Variants in IFNGR1 observed in about 807,000 individuals in gnomAD.
IFNGR1 encodes AVP, type 2.
In IFNGR1, 23 loss-of-function variants were observed where a neutral mutation model predicts 35.4. The observed-to-expected ratio is 0.65, with a 90% CI of 0.47 to 0.92. IFNGR1 has a LOEUF of 0.92. IFNGR1 is among the 40% of genes least tolerant of loss of function. The pLI is 0.00. For missense variants in IFNGR1, 533 were observed against 583.4 expected (o/e 0.91, Z 0.89); for synonymous variants, 199 against 209.5 (o/e 0.95, Z 0.43).
chr6:137,197,665 A>G lies in IFNGR1; in HGVS notation c.*366T>C, dbSNP rs1012017127. On this transcript the variant is annotated 3_prime_UTR_variant, in exon 7 of 7. Transcript: ENST00000367739. Reference sequence around the variant, plus strand: ...AATTACTGTATGCATAAACTTACAAAAACATATGCTATACCAAGGCAGAGA... The same window carrying G: ...AATTACTGTATGCATAAACTTACAAGAACATATGCTATACCAAGGCAGAGA... 2.3e-5 allele frequency: 4 copies of G among 171,020 alleles called. No individual in the cohort carries two copies. In the East Asian group the frequency reaches 6.3e-4, roughly 27 times the overall value. The allele number at this position is 171,020 out of a possible 1,614,324, so 10.6% of individuals were successfully genotyped here.
At chr6:137,212,087 T>G (rs578108380) in intron 1 of IFNGR1, among the ~76,000 whole-genome samples, 18 of 152,274 alleles carry the variant, frequency 1.2e-4, no homozygotes, top group African/African-American at 3.9e-4. Flanking sequence ...CAGGTGGCAC[T>G]TTCAGCACTC....
intron 5 of IFNGR1, among the ~76,000 whole-genome samples, chr6:137,203,111 T>C (rs1290538980): frequency 1.3e-5 from 2 of 152,202 alleles, no homozygotes; most frequent in African/African-American, 4.8e-5. Context: ...CCAGTGATCG[T>C]TCCTGCTCTT....
intron 1 of IFNGR1, among the ~76,000 whole-genome samples, chr6:137,215,689 CACAA>C (rs1421398368): frequency 6.6e-6 from 1 of 151,984 alleles, no homozygotes; most frequent in Admixed American, 6.6e-5. Context: ...GGTTTTCATA[CACAA>C]ACACACACAC....
At chr6:137,217,761 C>T (rs17181674) in intron 1 of IFNGR1, among the ~76,000 whole-genome samples, 2,157 of 152,286 alleles carry the variant, frequency 0.014, 31 homozygotes, top group Non-Finnish European at 0.023. Context: ...AGGTTTCTTG[C>T]TGGTACACAT....
intron 1 of IFNGR1, among the ~76,000 whole-genome samples, chr6:137,213,999 C>G (rs886448755): frequency 6.6e-6 from 1 of 152,232 alleles, no homozygotes; most frequent in African/African-American, 2.4e-5. Flanking sequence ...GCTCACCAAC[C>G]TCTTCATGGG....
At chr6:137,202,940 A>G (rs562453051) in intron 5 of IFNGR1, among the ~76,000 whole-genome samples, 4 of 152,242 alleles carry the variant, frequency 2.6e-5, no homozygotes, top group African/African-American at 9.6e-5. Flanking sequence ...GTTCTAGCAT[A>G]TATATCTCTA....
chr6:137,199,068 G>A (rs9389480), intron 6 of IFNGR1, among the ~76,000 whole-genome samples: 30,310 of 151,422 alleles, frequency 0.2, 3,453 homozygotes, highest in East Asian at 0.41. Context: ...TAAGCAGGCA[G>A]AAAAATGTGA....
chr6:137,206,232 C>A lies in IFNGR1; in HGVS notation c.277G>T (p.Asp93Tyr). The A allele has an allele frequency of 6.2e-7, 1 of 1,612,014 alleles. No individual in the cohort carries two copies. Among genetic ancestry groups the A allele is most frequent in the South Asian group, 1.1e-5 (1 of 91,044 alleles). ...HYCNISDHVG[D>Y]PSNSLWVRVK... ...CTGACCCAAAGAGAATTTGATGGAT[C>A]ACCAACATGATCAGAAATATTACAA... The change falls in exon 3 of 7, where the codon GAT (aspartate) becomes TAT (tyrosine). Residue 93 changes from aspartate (D) to tyrosine (Y), a missense_variant. Asp to Tyr is a radical substitution (Grantham distance 160). Coordinates refer to ENST00000367739, the MANE Select transcript of IFNGR1 (RefSeq NM_000416.3).
intron 1 of IFNGR1, among the ~76,000 whole-genome samples, chr6:137,215,929 C>T (rs527350031): frequency 6.6e-6 from 1 of 152,232 alleles, no homozygotes; most frequent in South Asian, 2.1e-4. Flanking sequence ...CCAGGCTGGT[C>T]TTGAACTTCT....
intron 1 of IFNGR1, among the ~76,000 whole-genome samples, chr6:137,213,998 C>G (rs1161109605): frequency 6.6e-6 from 1 of 152,192 alleles, no homozygotes; most frequent in Non-Finnish European, 1.5e-5. Context: ...TGCTCACCAA[C>G]CTCTTCATGG....
chr6:137,204,251 C>G (rs1475752185), intron 4 of IFNGR1, 81 bp downstream of exon 4: 2 of 1,128,090 alleles, frequency 1.8e-6, no homozygotes. Flanking sequence ...TATAAGCATC[C>G]TATTTTCATT....
rs1382382344 is a variant in IFNGR1, at chr6:137,198,091, A to T, written c.1410T>A (p.Asp470Glu). The change falls in exon 7 of 7, where the codon GAT (aspartate) becomes GAA (glutamate). Residue 470 changes from aspartate (D) to glutamate (E), a missense_variant. Transcript: ENST00000367739. ...AACCAATCAAGGACTCTTTACCGCT[A>T]TCATCCACAAGTAGATCCACTAGCA... is the stretch of plus-strand genomic sequence containing the variant. ...PHVLVDLLVD[D>E]SGKESLIGYR... is the part of the protein sequence containing the mutation. 6.2e-7 allele frequency: 1 copy of T among 1,614,194 alleles called. No homozygotes were observed. Among genetic ancestry groups the T allele is most frequent in the Non-Finnish European group, 8.5e-7 (1 of 1,180,026 alleles).
chr6:137,213,938 C>T (rs937878985), intron 1 of IFNGR1, among the ~76,000 whole-genome samples: 2 of 152,182 alleles, frequency 1.3e-5, no homozygotes, highest in African/African-American at 4.8e-5. Context: ...AAGGTTTGTA[C>T]ATCTATGGTG....
In IFNGR1 at chr6:137,200,918, G is replaced by T; in HGVS notation, c.824C>A (p.Pro275Gln). Reference protein sequence around the residue: ...FICFYIKKINPLKEKSIILPK... With the variant: ...FICFYIKKINQLKEKSIILPK... The stretch of plus-strand genomic sequence containing the variant: ...TAATATTATGCTTTTTTCCTTCAAT[G>T]GATTAATTTTCTTAATATAAAAACA... Residue 275 changes from proline to glutamine, a missense_variant, in exon 6 of 7, where the codon CCA becomes CAA. Physicochemically the swap from Pro to Gln is moderately conservative, Grantham distance 76. Coordinates refer to ENST00000367739, the MANE Select transcript of IFNGR1 (RefSeq NM_000416.3). 1 of 1,605,250 alleles carries T rather than the reference G, an allele frequency of 6.2e-7. No homozygotes were observed. The highest frequency in any genetic ancestry group is 1.1e-5 in the South Asian group (1 of 90,434).
chr6:137,204,959 A>C (rs2114482263), intron 3 of IFNGR1, among the ~76,000 whole-genome samples: 1 of 152,290 alleles, frequency 6.6e-6, no homozygotes, highest in East Asian at 1.9e-4. Context: ...TATTCCATAA[A>C]TATTTATTAG....
chr6:137,215,624 T>A (rs1172400899), intron 1 of IFNGR1, among the ~76,000 whole-genome samples: 1 of 152,218 alleles, frequency 6.6e-6, no homozygotes, highest in Non-Finnish European at 1.5e-5. Context: ...TAAAGCAACT[T>A]CACTACTGGT....
intron 1 of IFNGR1, chr6:137,215,133 A>T: frequency 9.0e-7 from 1 of 1,107,942 alleles, no homozygotes; most frequent in Non-Finnish European, 1.3e-6. Flanking sequence ...GTTACCATAC[A>T]TATTTTACCA....
In IFNGR1 at chr6:137,198,281, T is replaced by C. The variant is rs146842669; in HGVS notation, c.1220A>G (p.His407Arg). The change falls in exon 7 of 7, where the codon CAC becomes CGC. Residue 407 changes from histidine (H) to arginine (R), a missense_variant. By Grantham distance (29) the His-to-Arg change is conservative. Coordinates refer to ENST00000367739, the MANE Select transcript of IFNGR1 (RefSeq NM_000416.3). ...ATCAGTATCAAAACCATTTCTGGAGTGATCACTCTCAGAACAATTTCTGGA... is the reference window on the plus strand; with the variant it reads ...ATCAGTATCAAAACCATTTCTGGAGCGATCACTCTCAGAACAATTTCTGGA... ...YHSRNCSESD[H>R]SRNGFDTDSS... 3 of 1,613,938 alleles carry C rather than the reference T, an allele frequency of 1.9e-6. No homozygotes were observed. The highest frequency in any genetic ancestry group is 1.1e-5 in the South Asian group (1 of 91,072).
chr6:137,204,269 A>T, intron 4 of IFNGR1, 63 bp downstream of exon 4: 1 of 1,349,996 alleles, frequency 7.4e-7, no homozygotes, highest in South Asian at 1.2e-5. Flanking sequence ...ATTACACTAC[A>T]GAAAGGAACA....
Sources: allele counts gnomAD v4.1 joint callset (sites outside exome capture counted in the v4.1 genomes callset), GRCh38; gene constraint gnomAD v4.1.1; transcripts MANE v1.5; gene names NCBI Gene and HGNC (gene_info 2026-07-23, HGNC 2026-07-21).